Variants in EHMT1 observed in about 807,000 individuals in gnomAD.
EHMT1 encodes the protein histone-lysine N-methyltransferase EHMT1.
A neutral mutation model predicts 147.2 loss-of-function variants in EHMT1; 15 were observed. That is an observed-to-expected ratio of 0.10 (90% confidence interval 0.07 to 0.16). The LOEUF is 0.16. Among genes scored for constraint, EHMT1 ranks in the 10% least tolerant of loss-of-function variants. The pLI, the probability that EHMT1 is intolerant of heterozygous loss-of-function variation, is 1.00. For missense variants in EHMT1, 1,587 were observed against 1,772.4 expected, an observed-to-expected ratio of 0.90 and a Z score of 1.88; for synonymous variants, 795 against 709.6, an observed-to-expected ratio of 1.12 and a Z score of -1.91.
intron 14 of EHMT1, 80 bp downstream of exon 14, chr9:137,779,797 C>T (rs1951242589): frequency 2.7e-6 from 4 of 1,478,430 alleles, no homozygotes; most frequent in Non-Finnish European, 3.7e-6. Flanking sequence ...GTTACTCCTT[C>T]CTCAGGAGGC....
chr9:137,757,066 C>G (rs1313381591), intron 8 of EHMT1, among the ~76,000 whole-genome samples: 1 of 152,250 alleles, frequency 6.6e-6, no homozygotes, highest in Non-Finnish European at 1.5e-5. Context: ...TTAGATATTA[C>G]CTGGTACAGG....
At chr9:137,781,414 T>TGCTGAGATGTGTGGTGATGAC (rs1564749732) in intron 14 of EHMT1, among the ~76,000 whole-genome samples, 10 of 128,426 alleles carry the variant, frequency 7.8e-5, no homozygotes, top group Non-Finnish European at 7.9e-5. Context: ...GTGGTGATGA[T>TGCTGAGATGTGTGGTGATGAC]GCTGAGATGT....
chr9:137,833,685 G>T (rs1340231192), intron 25 of EHMT1, among the ~76,000 whole-genome samples: 1 of 152,264 alleles, frequency 6.6e-6, no homozygotes, highest in Admixed American at 6.5e-5. Flanking sequence ...CCAGGGCCAT[G>T]TGGCCACCCG....
chr9:137,714,565 T>TC (rs1265059122), intron 2 of EHMT1, among the ~76,000 whole-genome samples: 1 of 148,738 alleles, frequency 6.7e-6, no homozygotes, highest in Non-Finnish European at 1.5e-5. Context: ...ATTTTTTTTT[T>TC]TTTTTTTTTT....
At chr9:137,707,476 C>T (rs1038071498) in intron 1 of EHMT1, among the ~76,000 whole-genome samples, 34 of 152,168 alleles carry the variant, frequency 2.2e-4, no homozygotes, top group Admixed American at 2.0e-4. Context: ...CCTCAGCTGT[C>T]CCTTAATGGA....
At chr9:137,693,266 A>G (rs1943094985) in intron 1 of EHMT1, among the ~76,000 whole-genome samples, 1 of 152,166 alleles carries the variant, frequency 6.6e-6, no homozygotes, top group South Asian at 2.1e-4. Flanking sequence ...GATGTCTTCC[A>G]TGTGGCAGAT....
chr9:137,806,694 A>G (rs1042732667), intron 18 of EHMT1, among the ~76,000 whole-genome samples: 1 of 152,054 alleles, frequency 6.6e-6, no homozygotes, highest in African/African-American at 2.4e-5. Context: ...CGGACTCCCA[A>G]AGTGCTGGGA....
At chr9:137,663,685 A>T (rs1390021848) in intron 1 of EHMT1, among the ~76,000 whole-genome samples, 1 of 152,124 alleles carries the variant, frequency 6.6e-6, no homozygotes, top group African/African-American at 2.4e-5. Context: ...TATCATAGAC[A>T]CCCTGTTCTG....
intron 7 of EHMT1, 41 bp from the exon 8 acceptor site, chr9:137,754,130 T>C: frequency 6.2e-7 from 1 of 1,613,638 alleles, no homozygotes; most frequent in Non-Finnish European, 8.5e-7. Context: ...CGTAGCTTCC[T>C]GTGCTTAGTG....
At chr9:137,817,359 G>A in intron 23 of EHMT1, 80 bp from the exon 24 acceptor site, 1 of 1,503,348 alleles carries the variant, frequency 6.7e-7, no homozygotes, top group Non-Finnish European at 9.2e-7. Flanking sequence ...CAGTGACGTG[G>A]CACCAGCTGG....
Position 137,776,581 on chromosome 9 carries a change from T to C in EHMT1, c.1792-37T>C. ...TTATTTTTCTAAATATTAACCCCAA[T>C]TAAAACAAAAATTTTTTTTTGTCCT... On this transcript the variant is annotated intron_variant, in intron 11 of 26. Transcript: ENST00000460843. The surrounding 1 kb of genome is among the most constrained non-coding windows in gnomAD (Gnocchi z 4.4). 6.2e-7 allele frequency: 1 copy of C among 1,611,382 alleles called. No individual in the cohort carries two copies. The highest frequency in any genetic ancestry group is 8.5e-7 in the Non-Finnish European group (1 of 1,178,042).
intron 1 of EHMT1, chr9:137,666,970 T>C (rs929343011): frequency 2.6e-5 from 4 of 152,236 alleles, no homozygotes; most frequent in African/African-American, 4.8e-5. Flanking sequence ...ACCGTATTCT[T>C]CGAACAAAAG....
chr9:137,795,435 A>ACACT (rs1554887527), intron 16 of EHMT1, among the ~76,000 whole-genome samples: 7 of 132,664 alleles, frequency 5.3e-5, no homozygotes, highest in African/African-American at 1.3e-4. Flanking sequence ...ACACTCTCAC[A>ACACT]CTCACATACA....
At chr9:137,634,868 A>ATTTTTTTTTTTTT (rs781056803) in intron 1 of EHMT1, among the ~76,000 whole-genome samples, 35 of 92,086 alleles carry the variant, frequency 3.8e-4, no homozygotes, top group Non-Finnish European at 4.4e-4. Flanking sequence ...TGCCCAGCTA[A>ATTTTTTTTTTTTT]TTTTTTTTTT....
chr9:137,743,504 A>T lies in EHMT1; in HGVS notation c.957A>T (p.Ile319=). The stretch of plus-strand genomic sequence containing the variant: ...CGGTGATTGAGATGTTTAAGAGCAT[A>T]ACTCATTCCACTGTGGGTTCCAAGG... ...QRTVIEMFKS[I]THSTVGSKGE... Residue 319 remains isoleucine (I), a synonymous_variant, in exon 5 of 27, where the codon ATA becomes ATT. Coordinates refer to ENST00000460843, the MANE Select transcript of EHMT1 (RefSeq NM_024757.5). 6.2e-7 allele frequency: 1 copy of T among 1,614,180 alleles called. No individual in the cohort carries two copies.
intron 1 of EHMT1, among the ~76,000 whole-genome samples, chr9:137,702,577 G>T (rs1393929622): frequency 6.6e-6 from 1 of 152,160 alleles, no homozygotes; most frequent in Non-Finnish European, 1.5e-5. Context: ...TCAGGGTACA[G>T]CTCCTGCAGC....
At chr9:137,816,266 A>G (rs1954912143) in intron 23 of EHMT1, 1 of 629,710 alleles carries the variant, frequency 1.6e-6, no homozygotes, top group Non-Finnish European at 2.9e-6. Context: ...TTCCCCCAGC[A>G]CAGACTTCGG....
At chr9:137,624,513 G>A (rs117672566) in intron 1 of EHMT1, among the ~76,000 whole-genome samples, 110 of 152,040 alleles carry the variant, frequency 7.2e-4, no homozygotes, top group Non-Finnish European at 1.2e-3. Context: ...ACAGGGTTTC[G>A]CCATATCGGC....
In EHMT1 at chr9:137,743,492, G is replaced by A. The variant is rs747341699; in HGVS notation, c.945G>A (p.Met315Ile). Residue 315 changes from methionine (M) to isoleucine (I), a missense_variant, in exon 5 of 27, where the codon ATG becomes ATA. Met to Ile is a conservative substitution (Grantham distance 10, BLOSUM62 1). This residue lies in a region of EHMT1 where 810 missense variants were observed against 673.0 expected (regional missense o/e 1.20). Transcript: ENST00000460843. ...KVLKQRTVIEMFKSITHSTVG... is the reference protein window; with the variant it reads ...KVLKQRTVIEIFKSITHSTVG... ...TAAAACAGAGGACGGTGATTGAGAT[G>A]TTTAAGAGCATAACTCATTCCACTG... The A allele has an allele frequency of 1.2e-6, 2 of 1,614,062 alleles. No homozygotes were observed. Among genetic ancestry groups the A allele is most frequent in the South Asian group, 2.2e-5 (2 of 91,072 alleles).
Sources: allele counts gnomAD v4.1 joint callset (sites outside exome capture counted in the v4.1 genomes callset), GRCh38; gene constraint gnomAD v4.1.1; regional missense constraint gnomAD v4.1.1; non-coding constraint Gnocchi (gnomAD v3.1); transcripts MANE v1.5; gene names NCBI Gene and HGNC (gene_info 2026-07-23, HGNC 2026-07-21).